Variants in BEND7 observed in about 807,000 individuals in gnomAD.
The protein encoded by BEND7 is BEN domain-containing protein 7.
A neutral mutation model predicts 50.9 loss-of-function variants in BEND7; 28 were observed. The observed-to-expected ratio is 0.55, with a 90% CI of 0.41 to 0.75. BEND7 has a LOEUF of 0.75. BEND7 is among the 30% of genes least tolerant of loss of function. The pLI is 0.00. For missense variants in BEND7, 477 were observed against 491.3 expected (o/e 0.97, Z 0.28); for synonymous variants, 170 against 183.9 (o/e 0.92, Z 0.61).
chr10:13,463,782 T>G (rs764020301), intron 6 of BEND7, among the ~76,000 whole-genome samples: 2 of 152,174 alleles, frequency 1.3e-5, no homozygotes, highest in Non-Finnish European at 2.9e-5. Context: ...AGGCAACGTC[T>G]TCACAACTGG....
intron 5 of BEND7, among the ~76,000 whole-genome samples, chr10:13,490,933 A>C (rs2076611276): frequency 6.6e-6 from 1 of 152,056 alleles, no homozygotes; most frequent in South Asian, 2.1e-4. Context: ...CCTCCCGAGT[A>C]GTTAGGACTA....
intron 2 of BEND7, among the ~76,000 whole-genome samples, chr10:13,522,586 G>A (rs1052584363): frequency 1.3e-5 from 2 of 152,068 alleles, no homozygotes; most frequent in Non-Finnish European, 2.9e-5. Context: ...GCTTATTGGC[G>A]GCTCCCTCAC....
intron 6 of BEND7, among the ~76,000 whole-genome samples, chr10:13,461,921 A>G (rs1840292215): frequency 6.6e-6 from 1 of 152,142 alleles, no homozygotes. Context: ...TCTCACAGAA[A>G]AAAGAAAAGA....
intron 2 of BEND7, among the ~76,000 whole-genome samples, chr10:13,508,224 G>A (rs2078033939): frequency 6.6e-6 from 1 of 152,204 alleles, no homozygotes; most frequent in Non-Finnish European, 1.5e-5. Flanking sequence ...AGGGACAACA[G>A]CCATGTTTAT....
At chr10:13,521,287 G>A (rs1206320352) in intron 2 of BEND7, among the ~76,000 whole-genome samples, 1 of 152,180 alleles carries the variant, frequency 6.6e-6, no homozygotes, top group Non-Finnish European at 1.5e-5. Flanking sequence ...CTTGCATCCT[G>A]GCTCTGGCAC....
chr10:13,484,982 A>T lies in BEND7; in HGVS notation c.838-3858T>A, dbSNP rs535988432. Among the ~76,000 whole-genome samples the T allele has an allele frequency of 4.9e-4, 75 of 152,282 alleles. No individual in the cohort carries two copies. The Middle Eastern group carries it at 0.02, about 41-fold the overall frequency. ...GGATCCAGGCCTGTGGACTTTCACG[A>T]ATTTGTTTCTTTGCATTTCAACTGT... is the stretch of plus-strand genomic sequence containing the variant. On this transcript the variant is annotated intron_variant, in intron 5 of 8. Coordinates refer to ENST00000466271, the MANE Select transcript of BEND7 (RefSeq NM_001369863.1).
intron 6 of BEND7, among the ~76,000 whole-genome samples, chr10:13,462,014 T>C (rs2131292711): frequency 6.6e-6 from 1 of 152,260 alleles, no homozygotes; most frequent in Non-Finnish European, 1.5e-5. Context: ...CCAGAGGCAG[T>C]GGACTCAGGA....
At chr10:13,510,145 A>C (rs1289880232) in intron 2 of BEND7, among the ~76,000 whole-genome samples, 1 of 152,226 alleles carries the variant, frequency 6.6e-6, no homozygotes, top group East Asian at 1.9e-4. Flanking sequence ...GAAGATGATG[A>C]ATACTAATGA....
intron 7 of BEND7, among the ~76,000 whole-genome samples, chr10:13,451,766 C>A (rs1837786271): frequency 7.7e-6 from 1 of 129,818 alleles, no homozygotes; most frequent in African/African-American, 2.8e-5. Flanking sequence ...CCCCTCCCCC[C>A]ACCCCACAAC....
At chr10:13,486,377 G>C (rs965447353) in intron 5 of BEND7, among the ~76,000 whole-genome samples, 1 of 152,178 alleles carries the variant, frequency 6.6e-6, no homozygotes, top group African/African-American at 2.4e-5. Context: ...GAGGAGGGTA[G>C]CCACAAGAGC....
chr10:13,510,014 A>C (rs1398677066), intron 2 of BEND7, among the ~76,000 whole-genome samples: 1 of 152,198 alleles, frequency 6.6e-6, no homozygotes, highest in Non-Finnish European at 1.5e-5. Flanking sequence ...TTCCCTGATG[A>C]GTAACTGCAT....
chr10:13,478,517 G>T (rs1318657621), intron 6 of BEND7, among the ~76,000 whole-genome samples: 9 of 152,158 alleles, frequency 5.9e-5, no homozygotes, highest in Admixed American at 3.3e-4. Context: ...TGACTAGCCA[G>T]AATGAATGGA....
intron 5 of BEND7, among the ~76,000 whole-genome samples, chr10:13,488,590 C>T (rs376262003): frequency 7.2e-5 from 11 of 152,168 alleles, no homozygotes; most frequent in East Asian, 1.9e-4. Context: ...CGGGTTCAAG[C>T]GATTCTCCTG....
chr10:13,476,829 T>C (rs2075480782), intron 6 of BEND7, among the ~76,000 whole-genome samples: 1 of 152,214 alleles, frequency 6.6e-6, no homozygotes, highest in Non-Finnish European at 1.5e-5. Context: ...CTTGGTAAGA[T>C]CATAAGTTGT....
intron 2 of BEND7, among the ~76,000 whole-genome samples, chr10:13,516,018 A>G (rs1008300619): frequency 5.3e-5 from 8 of 152,248 alleles, no homozygotes; most frequent in Admixed American, 2.0e-4. Context: ...ATCTCAATCA[A>G]TCGTCTCACT....
chr10:13,475,629 C>T (rs1380187110), intron 6 of BEND7, among the ~76,000 whole-genome samples: 1 of 152,192 alleles, frequency 6.6e-6, no homozygotes. Flanking sequence ...CAGAAAATCA[C>T]TTTGAATATG....
intron 6 of BEND7, among the ~76,000 whole-genome samples, chr10:13,475,794 G>A (rs905192094): frequency 6.6e-6 from 1 of 152,182 alleles, no homozygotes; most frequent in African/African-American, 2.4e-5. Flanking sequence ...GAAGTGTTTA[G>A]TGTGCTGCAA....
At position 13,441,348 on chromosome 10, in the gene BEND7, A is replaced by T; in HGVS notation, c.*395T>A. 9.7e-7 allele frequency: 1 copy of T among 1,026,180 alleles called. No individual in the cohort carries two copies. Among genetic ancestry groups the T allele is most frequent in the African/African-American group, 1.7e-5 (1 of 58,988 alleles). 63.6% of individuals were successfully genotyped at this position (1,026,180 alleles called of 1,614,324 possible). On this transcript the variant is annotated 3_prime_UTR_variant, in exon 9 of 9. Coordinates refer to ENST00000466271, the MANE Select transcript of BEND7 (RefSeq NM_001369863.1). Reference sequence around the variant, plus strand: ...AAAAAGGTTTCTGAATAAAGACTGAACAGTAGTCACAGTAAGTAAACACAA... The same window carrying T: ...AAAAAGGTTTCTGAATAAAGACTGATCAGTAGTCACAGTAAGTAAACACAA...
chr10:13,489,401 T>C (rs956698354), intron 5 of BEND7, among the ~76,000 whole-genome samples: 1 of 152,154 alleles, frequency 6.6e-6, no homozygotes, highest in African/African-American at 2.4e-5. Flanking sequence ...TGGGCTAGAA[T>C]GGGCACCCGC....
Sources: gnomAD v4.1 joint callset for allele counts (sites outside exome capture counted in the v4.1 genomes callset) on GRCh38, gnomAD v4.1.1 for gene constraint, MANE v1.5 for transcripts, NCBI Gene and HGNC (gene_info 2026-07-23, HGNC 2026-07-21) for gene names.